Variants in TAF12 observed in about 807,000 individuals in gnomAD.
TAF12 encodes the protein transcription initiation factor TFIID subunit 12.
In TAF12, 3 loss-of-function variants were observed where a neutral mutation model predicts 20.8. The ratio of observed to expected loss-of-function variants is 0.14; its 90% CI spans 0.07 to 0.37. TAF12 has a LOEUF of 0.37. Among genes scored for constraint, TAF12 ranks in the 10% least tolerant of loss-of-function variants. The pLI, the probability that TAF12 is intolerant of heterozygous loss-of-function variation, is 1.00. For synonymous variants in TAF12, 69 were observed against 70.2 expected (o/e 0.98, Z 0.09); for missense variants, 131 against 197.9 (o/e 0.66, Z 2.03).
At chr1:28,610,092 C>T (rs1448796639) in intron 4 of TAF12, among the ~76,000 whole-genome samples, 2 of 151,892 alleles carry the variant, frequency 1.3e-5, no homozygotes, top group South Asian at 2.1e-4. Context: ...ATTCTCCTGC[C>T]TCAGACTCCC....
chr1:28,641,842 A>C (rs1353488361), intron 1 of TAF12, among the ~76,000 whole-genome samples: 2 of 151,908 alleles, frequency 1.3e-5, no homozygotes, highest in African/African-American at 2.4e-5. Flanking sequence ...AAGATAAAGC[A>C]AAGATTCTAG....
At position 28,603,379 on chromosome 1, in the gene TAF12, G is replaced by T; in HGVS notation, c.*160C>A. ...TGGGGTAGGAGGCTTTATTCTTTTG[G>T]CAGATCCTCTCAGTCATTATAGATA... On this transcript the variant is annotated 3_prime_UTR_variant, in exon 6 of 6. Coordinates refer to ENST00000373824, the MANE Select transcript of TAF12 (RefSeq NM_005644.4). 1 of 690,192 alleles carries T rather than the reference G, an allele frequency of 1.4e-6. No individual in the cohort carries two copies. The highest frequency in any genetic ancestry group is 2.4e-6 in the Non-Finnish European group (1 of 421,688). The allele number at this position is 690,192 out of a possible 1,614,324, so 42.8% of individuals were successfully genotyped here.
chr1:28,645,148 G>T (rs979483165), upstream of TAF12, among the ~76,000 whole-genome samples: 10 of 151,344 alleles, frequency 6.6e-5, no homozygotes, highest in African/African-American at 2.4e-4. Context: ...CCATTCTCCT[G>T]CCTCAGCCTC....
chr1:28,617,370 G>A (rs538747831), intron 3 of TAF12, among the ~76,000 whole-genome samples: 2 of 151,652 alleles, frequency 1.3e-5, no homozygotes, highest in Non-Finnish European at 2.9e-5. Context: ...CTGCAACCTC[G>A]GCCTTCTGGG....
At chr1:28,628,084 T>C (rs1225163492) in intron 1 of TAF12, among the ~76,000 whole-genome samples, 18 of 151,834 alleles carry the variant, frequency 1.2e-4, no homozygotes, top group Admixed American at 1.2e-3. Flanking sequence ...CAAACACCCC[T>C]CCAGCTTCCC....
rs886822718 is a variant in TAF12, at chr1:28,648,250, G to T, written c.-130C>A. On this transcript the variant is annotated 5_prime_UTR_variant, in exon 1 of 6. Coordinates refer to the TAF12 transcript ENST00000685312. ...CCAACGCCATGAGACGCCTTCTGTCGTGAGCAGTTGACAAGAAAGACCCAG... is the reference window on the plus strand; with the variant it reads ...CCAACGCCATGAGACGCCTTCTGTCTTGAGCAGTTGACAAGAAAGACCCAG... 8 of 985,210 alleles carry T rather than the reference G, an allele frequency of 8.1e-6. No individual in the cohort carries two copies. The Admixed American group carries it at 2.5e-4, about 30-fold the overall frequency. 61.0% of individuals were successfully genotyped at this position (985,210 alleles called of 1,614,324 possible).
chr1:28,636,034 T>G (rs1383617921), intron 1 of TAF12, among the ~76,000 whole-genome samples: 1 of 152,170 alleles, frequency 6.6e-6, no homozygotes, highest in Non-Finnish European at 1.5e-5. Flanking sequence ...TTCTTTCCTC[T>G]CTGGCTTCTA....
chr1:28,625,627 C>T (rs530010420), intron 1 of TAF12, among the ~76,000 whole-genome samples: 6 of 151,432 alleles, frequency 4.0e-5, no homozygotes, highest in South Asian at 2.1e-4. Context: ...CTGCAAGCTC[C>T]GCCTCCTGGG....
At chr1:28,633,145 C>T (rs1272286570) in intron 1 of TAF12, among the ~76,000 whole-genome samples, 1 of 140,952 alleles carries the variant, frequency 7.1e-6, no homozygotes, top group Non-Finnish European at 1.5e-5. Context: ...ACAGGGCATG[C>T]ACCTCCAAGC....
At chr1:28,603,654 G>A (rs1210314581) in intron 5 of TAF12, 80 bp from the exon 6 acceptor site, 2 of 1,468,334 alleles carry the variant, frequency 1.4e-6, no homozygotes, top group Non-Finnish European at 1.9e-6. Context: ...GTGGCTAGCA[G>A]GCCTCATGGT....
upstream of TAF12, among the ~76,000 whole-genome samples, chr1:28,645,844 G>A (rs185119033): frequency 6.6e-6 from 1 of 151,500 alleles, no homozygotes; most frequent in Non-Finnish European, 1.5e-5. Flanking sequence ...GCGCGTGCCT[G>A]TAGTCCCAAG....
intron 1 of TAF12, among the ~76,000 whole-genome samples, chr1:28,627,535 T>C (rs1332379515): frequency 6.7e-6 from 1 of 148,604 alleles, no homozygotes; most frequent in African/African-American, 2.5e-5. Flanking sequence ...CTACTAAAAA[T>C]ACAAAAAATT....
intron 1 of TAF12, among the ~76,000 whole-genome samples, chr1:28,633,221 C>T (rs977889060): frequency 2.1e-5 from 3 of 143,850 alleles, no homozygotes; most frequent in South Asian, 4.4e-4. Flanking sequence ...GGCCAGAGTA[C>T]AGGAGCCCAA....
chr1:28,614,724 C>T (rs562421560), intron 3 of TAF12, among the ~76,000 whole-genome samples: 9 of 150,536 alleles, frequency 6.0e-5, no homozygotes, highest in South Asian at 2.1e-4. Flanking sequence ...CCACCTCAAG[C>T]GTTCTGAGTC....
At chr1:28,631,411 G>A (rs1236656469) in intron 1 of TAF12, among the ~76,000 whole-genome samples, 1 of 151,960 alleles carries the variant, frequency 6.6e-6, no homozygotes, top group Non-Finnish European at 1.5e-5. Context: ...TATAGTCCTA[G>A]CTACTTGGGA....
chr1:28,646,174 T>A (rs1264593912), upstream of TAF12: 2 of 151,758 alleles, frequency 1.3e-5, no homozygotes, highest in African/African-American at 4.8e-5. Flanking sequence ...CTCAGGAGAC[T>A]GACAGGCAGG....
rs539263491 is a variant in TAF12, at chr1:28,638,948, G to C, written c.-85+4044C>G. On this transcript the variant is annotated intron_variant, in intron 1 of 5. Coordinates refer to ENST00000373824, the MANE Select transcript of TAF12 (RefSeq NM_005644.4). ...CTGCGACTATAGGCGCCCGTGCCCAGCTAATTTTTTTTGTATTGTTAGTAG... is the reference window on the plus strand; with the variant it reads ...CTGCGACTATAGGCGCCCGTGCCCACCTAATTTTTTTTGTATTGTTAGTAG... 3.4e-3 allele frequency among the ~76,000 whole-genome samples: 513 copies of C among 150,990 alleles called. 1 individual carries two copies. The highest frequency in any genetic ancestry group is 5.6e-3 in the Non-Finnish European group (379 of 67,784).
At chr1:28,612,852 A>G (rs1666912748) in intron 4 of TAF12, among the ~76,000 whole-genome samples, 1 of 152,180 alleles carries the variant, frequency 6.6e-6, no homozygotes, top group African/African-American at 2.4e-5. Flanking sequence ...TGGTGAAGAC[A>G]TAACAGTACC....
intron 2 of TAF12, among the ~76,000 whole-genome samples, chr1:28,619,150 A>G (rs1461492934): frequency 3.3e-5 from 5 of 152,108 alleles, no homozygotes; most frequent in Non-Finnish European, 7.4e-5. Context: ...CCAGGAGTTC[A>G]AAGACCAGCC....
Sources: allele counts gnomAD v4.1 joint callset (sites outside exome capture counted in the v4.1 genomes callset), GRCh38; gene constraint gnomAD v4.1.1; transcripts MANE v1.5; gene names NCBI Gene and HGNC (gene_info 2026-07-23, HGNC 2026-07-21).